Variants in TLK2 observed in about 807,000 individuals in gnomAD.
The protein encoded by TLK2 is serine/threonine-protein kinase tousled-like 2.
In TLK2, 6 loss-of-function variants were observed where a neutral mutation model predicts 117.3. The ratio of observed to expected loss-of-function variants is 0.05; its 90% CI spans 0.03 to 0.10. TLK2 has a LOEUF of 0.10. Among genes scored for constraint, TLK2 ranks in the 10% least tolerant of loss-of-function variants. The pLI is 1.00. For missense variants in TLK2, 299 were observed against 901.2 expected (o/e 0.33, Z 8.56); for synonymous variants, 257 against 316.7 (o/e 0.81, Z 2.00).
chr17:62,567,306 A>C (rs1415421227), intron 11 of TLK2, among the ~76,000 whole-genome samples: 1 of 152,196 alleles, frequency 6.6e-6, no homozygotes, highest in African/African-American at 2.4e-5. Flanking sequence ...TCTTACTCTA[A>C]AAGCAGCTTG....
At chr17:62,597,172 A>G (rs973195802) in intron 17 of TLK2, 2 of 153,208 alleles carry the variant, frequency 1.3e-5, no homozygotes, top group East Asian at 3.8e-4. Context: ...CTATTCCACC[A>G]TTCCATCCCT....
At chr17:62,520,905 GC>G (rs2075997095) in intron 3 of TLK2, 61 bp downstream of exon 3, 4 of 1,583,078 alleles carry the variant, frequency 2.5e-6, no homozygotes, top group Non-Finnish European at 2.6e-6. Flanking sequence ...AGGTTTGGTG[GC>G]TCAAGGCTGT....
chr17:62,604,564 A>G (rs2083119796), intron 19 of TLK2, among the ~76,000 whole-genome samples: 1 of 152,212 alleles, frequency 6.6e-6, no homozygotes, highest in African/African-American at 2.4e-5. Flanking sequence ...ACTGAGACCT[A>G]GAAAGGGATT....
chr17:62,551,876 A>T, intron 7 of TLK2: 1 of 203,392 alleles, frequency 4.9e-6, no homozygotes, highest in Non-Finnish European at 1.0e-5. Flanking sequence ...GTTCATGGAT[A>T]ATGTTTGTGT....
chr17:62,612,198 A>T, intron 21 of TLK2, 194 bp from the exon 22 acceptor site: 1 of 522,692 alleles, frequency 1.9e-6, no homozygotes, highest in East Asian at 3.3e-5. Flanking sequence ...GTGGCAGCAG[A>T]GAGGTACTTC....
chr17:62,569,315 C>A (rs1301115163), intron 11 of TLK2, among the ~76,000 whole-genome samples: 1 of 148,794 alleles, frequency 6.7e-6, no homozygotes, highest in African/African-American at 2.5e-5. Context: ...AAAAAAAAAA[C>A]AACCCATCTG....
intron 6 of TLK2, among the ~76,000 whole-genome samples, chr17:62,534,783 T>C (rs2076992995): frequency 6.6e-6 from 1 of 151,980 alleles, no homozygotes; most frequent in African/African-American, 2.4e-5. Flanking sequence ...GTTTTCTAGC[T>C]TTAATTGAAA....
intron 6 of TLK2, among the ~76,000 whole-genome samples, chr17:62,535,769 C>G (rs2077067124): frequency 6.7e-6 from 1 of 148,392 alleles, no homozygotes; most frequent in Admixed American, 6.7e-5. Flanking sequence ...AATGAAACTC[C>G]ATCTCAAAAA....
chr17:62,536,891 TTCTC>T (rs775675906), intron 7 of TLK2, among the ~76,000 whole-genome samples: 1 of 152,232 alleles, frequency 6.6e-6, no homozygotes, highest in African/African-American at 2.4e-5. Context: ...GCTTACTTCT[TTCTC>T]TATCTTTGAA....
chr17:62,587,071 A>G (rs1406394721), intron 16 of TLK2, among the ~76,000 whole-genome samples: 1 of 151,920 alleles, frequency 6.6e-6, no homozygotes, highest in Non-Finnish European at 1.5e-5. Context: ...ATAGAATAGT[A>G]CTAGTGGCAG....
At chr17:62,476,558 G>A (rs553968551), upstream of TLK2, among the ~76,000 whole-genome samples, 5 of 151,370 alleles carry the variant, frequency 3.3e-5, no homozygotes, top group Middle Eastern at 3.4e-3. Flanking sequence ...ACTTCAGCCC[G>A]GGCGACAGTG....
In TLK2 at chr17:62,615,221, G is replaced by A. The variant is rs545209898; in HGVS notation, c.*2656G>A. 3 of 152,196 alleles carry A rather than the reference G, an allele frequency of 2.0e-5. No individual in the cohort carries two copies. Among genetic ancestry groups the A allele is most frequent in the African/African-American group, 7.2e-5 (3 of 41,442 alleles). 9.4% of individuals were successfully genotyped at this position (152,196 alleles called of 1,614,324 possible). The stretch of plus-strand genomic sequence containing the variant: ...TTCCGAGGCATGGACAAGCCCCAGA[G>A]AACATGCAGAACATTGACCTTTCCA... On this transcript the variant is annotated 3_prime_UTR_variant, in exon 22 of 22. Coordinates refer to ENST00000346027, the MANE Select transcript of TLK2 (RefSeq NM_006852.6).
intron 2 of TLK2, among the ~76,000 whole-genome samples, chr17:62,481,875 A>G (rs1793181957): frequency 6.6e-6 from 1 of 152,184 alleles, no homozygotes; most frequent in Non-Finnish European, 1.5e-5. Flanking sequence ...TATATTTACG[A>G]TATTTTATTT....
At chr17:62,546,019 T>G (rs1598485695) in intron 7 of TLK2, among the ~76,000 whole-genome samples, 1 of 152,096 alleles carries the variant, frequency 6.6e-6, no homozygotes, top group Non-Finnish European at 1.5e-5. Flanking sequence ...GTAGCTAGGA[T>G]TACAGGCTCA....
chr17:62,513,775 G>C (rs1048428717), intron 2 of TLK2, among the ~76,000 whole-genome samples: 19 of 151,768 alleles, frequency 1.3e-4, no homozygotes, highest in Non-Finnish European at 2.1e-4. Context: ...TGCAACCTCC[G>C]TCTCCTGGGT....
chr17:62,475,990 AT>A (rs1253381686), upstream of TLK2, among the ~76,000 whole-genome samples: 1 of 140,730 alleles, frequency 7.1e-6, no homozygotes, highest in African/African-American at 2.7e-5. Context: ...TATTATCATT[AT>A]TTTTGAGACA....
intron 10 of TLK2, among the ~76,000 whole-genome samples, chr17:62,563,947 G>A (rs979511260): frequency 1.3e-5 from 2 of 152,076 alleles, no homozygotes; most frequent in African/African-American, 4.8e-5. Flanking sequence ...TGGAAGATTT[G>A]GAACATCAAA....
At chr17:62,473,460 T>A (rs1395159108) in intron 1 of TLK2, among the ~76,000 whole-genome samples, 1 of 152,172 alleles carries the variant, frequency 6.6e-6, no homozygotes, top group Non-Finnish European at 1.5e-5. Context: ...AGGGATAAAG[T>A]GTTTTAGGTA....
chr17:62,611,904 T>TG (rs2083805870), intron 21 of TLK2: 1 of 152,314 alleles, frequency 6.6e-6, no homozygotes, highest in East Asian at 1.9e-4. Flanking sequence ...CATAGGGAAA[T>TG]AATTTTATAA....
Sources: allele counts gnomAD v4.1 joint callset (sites outside exome capture counted in the v4.1 genomes callset), GRCh38; gene constraint gnomAD v4.1.1; transcripts MANE v1.5; gene names NCBI Gene and HGNC (gene_info 2026-07-23, HGNC 2026-07-21).